Variants in XRN1 observed in about 807,000 individuals in gnomAD.
XRN1 encodes the protein strand-exchange protein 1 homolog.
In XRN1, 67 loss-of-function variants were observed where a neutral mutation model predicts 222.3. The ratio of observed to expected loss-of-function variants is 0.30; its 90% CI spans 0.25 to 0.37. The LOEUF (loss-of-function observed/expected upper bound fraction) is 0.37, where lower values mean the gene tolerates loss of function less well. Among genes scored for constraint, XRN1 ranks in the 10% least tolerant of loss-of-function variants. The pLI, the probability that XRN1 is intolerant of heterozygous loss-of-function variation, is 1.00. For missense variants in XRN1, 1,707 were observed against 2,000.2 expected (o/e 0.85, Z 2.80); for synonymous variants, 643 against 652.4 (o/e 0.99, Z 0.22).
rs2065731475 is a variant in XRN1, at chr3:142,332,598, G to A, written c.4063-64C>T. On this transcript the variant is annotated intron_variant, in intron 35 of 40. Coordinates refer to ENST00000392981, the MANE Select transcript of XRN1 (RefSeq NM_001282857.2). ...AGAGAACAAAGTCAACATTACATCTGTAGAACTTATTGATCTTTCTTGGAA... is the reference window on the plus strand; with the variant it reads ...AGAGAACAAAGTCAACATTACATCTATAGAACTTATTGATCTTTCTTGGAA... The A allele has an allele frequency of 2.9e-6, 4 of 1,386,530 alleles. No individual in the cohort carries two copies. The East Asian group carries it at 7.1e-5, about 25-fold the overall frequency. The allele number at this position is 1,386,530 out of a possible 1,614,324, so 85.9% of individuals were successfully genotyped here.
rs995187782 is a variant in XRN1, at chr3:142,444,154, T to C, written c.75+3716A>G. Reference sequence around the variant, plus strand: ...ATAAAAGAAAAACTGAAAGAACGAATAAGACCTAGTCTGGGCACGGGGGCT... The same window carrying C: ...ATAAAAGAAAAACTGAAAGAACGAACAAGACCTAGTCTGGGCACGGGGGCT... On this transcript the variant is annotated intron_variant, in intron 1 of 40. Coordinates refer to ENST00000392981, the MANE Select transcript of XRN1 (RefSeq NM_001282857.2). Among the ~76,000 whole-genome samples the C allele has an allele frequency of 3.9e-5, 6 of 152,100 alleles. No individual in the cohort carries two copies. In the East Asian group the frequency reaches 1.2e-3, roughly 29 times the overall value.
intron 2 of XRN1, among the ~76,000 whole-genome samples, chr3:142,431,251 A>C (rs1403879719): frequency 6.6e-6 from 1 of 152,216 alleles, no homozygotes; most frequent in Non-Finnish European, 1.5e-5. Flanking sequence ...GTGACTTTAT[A>C]AGCAAGGAAC....
At chr3:142,348,859 C>T (rs1259348737) in intron 32 of XRN1, among the ~76,000 whole-genome samples, 2 of 152,116 alleles carry the variant, frequency 1.3e-5, no homozygotes, top group East Asian at 1.9e-4. Flanking sequence ...AGGCTGGTGT[C>T]GAACTCCTGG....
In XRN1 at chr3:142,359,918, G is replaced by A. The variant is rs770692008; in HGVS notation, c.3408C>T (p.Ala1136=). ...IIGIKGANRE[A]DVLFEVLFDE... is the part of the protein sequence containing the mutation. ...CAAATAATACTTCAAATAGTACATC[G>A]GCTTCTCTATTAGCTGTTACAATAG... Residue 1136 remains alanine (A), a synonymous_variant, in exon 30 of 41, where the codon GCC becomes GCT. Coordinates refer to ENST00000392981, the MANE Select transcript of XRN1 (RefSeq NM_001282857.2). 46 of 1,600,568 alleles carry A rather than the reference G, an allele frequency of 2.9e-5. No individual in the cohort carries two copies. The highest frequency in any genetic ancestry group is 3.4e-5 in the Non-Finnish European group (40 of 1,172,914).
rs1464507966 is a variant in XRN1, at chr3:142,375,829, C to T, written c.2947G>A (p.Ala983Thr). The T allele has an allele frequency of 2.5e-6, 4 of 1,613,812 alleles. No individual in the cohort carries two copies. The highest frequency in any genetic ancestry group is 3.4e-6 in the Non-Finnish European group (4 of 1,179,870). The change falls in exon 25 of 41, where the codon GCA becomes ACA. Residue 983 changes from alanine to threonine, a missense_variant. By Grantham distance (58) the Ala-to-Thr change is moderately conservative. Transcript: ENST00000392981. ...VGSEWMYSSA[A>T]EQLLAEYLER... ...AAGTACTCTGCCAGAAGTTGTTCTG[C>T]TGCAGATGAATACATCCATTCACTT... is the stretch of plus-strand genomic sequence containing the variant.
Position 142,362,167 on chromosome 3 carries a change from T to C in XRN1, c.3395-2236A>G, listed in dbSNP as rs141521928. Among the ~76,000 whole-genome samples the C allele has an allele frequency of 5.8e-3, 888 of 151,802 alleles. 11 individuals are homozygous for C. The highest frequency in any genetic ancestry group is 0.021 in the African/African-American group (853 of 41,400). The stretch of plus-strand genomic sequence containing the variant: ...TATATATATTTTTTGAGATGGAGTC[T>C]CGATCTGTCGCCCAGGCTAAAGTGC... On this transcript the variant is annotated intron_variant, in intron 29 of 40. Transcript: ENST00000392981.
intron 21 of XRN1, 85 bp from the exon 22 acceptor site, chr3:142,383,498 C>T (rs2067378260): frequency 3.5e-6 from 4 of 1,134,506 alleles, no homozygotes; most frequent in Middle Eastern, 4.5e-4. Flanking sequence ...TATGACTATG[C>T]TGTTTGCAAA....
At chr3:142,392,324 TC>T (rs148919308) in intron 20 of XRN1, among the ~76,000 whole-genome samples, 1 of 110,644 alleles carries the variant, frequency 9.0e-6, no homozygotes, top group African/African-American at 5.1e-5. Context: ...GCCAGCAATT[TC>T]TTTTTTTTTT....
At chr3:142,366,372 C>A (rs1457123307) in intron 27 of XRN1, among the ~76,000 whole-genome samples, 1 of 152,138 alleles carries the variant, frequency 6.6e-6, no homozygotes, top group Non-Finnish European at 1.5e-5. Flanking sequence ...TATTTACATA[C>A]TATAAAATGC....
rs2065629199 is a variant in XRN1, at chr3:142,329,529, T to A, written c.4309A>T (p.Ile1437Phe). ...DNMCWPAPSQIPPVSTPVTEL... is the reference protein window; with the variant it reads ...DNMCWPAPSQFPPVSTPVTEL... ...GTTACTGGTGTGGATACAGGAGGGA[T>A]CTGGCTGGGGGCAGGCCAACACATA... Residue 1437 changes from isoleucine (I) to phenylalanine (F), a missense_variant, in exon 37 of 41, where the codon ATC becomes TTC. By Grantham distance (21) the Ile-to-Phe change is conservative. Coordinates refer to ENST00000392981, the MANE Select transcript of XRN1 (RefSeq NM_001282857.2). The A allele has an allele frequency of 1.2e-6, 2 of 1,601,344 alleles. No homozygotes were observed. The highest frequency in any genetic ancestry group is 2.3e-5 in the East Asian group (1 of 44,114).
intron 30 of XRN1, among the ~76,000 whole-genome samples, chr3:142,358,546 T>C (rs2066527576): frequency 6.6e-6 from 1 of 152,158 alleles, no homozygotes; most frequent in Non-Finnish European, 1.5e-5. Context: ...GCAGGTAATC[T>C]TTTACCCAGC....
At chr3:142,387,698 C>A (rs372186097) in intron 20 of XRN1, among the ~76,000 whole-genome samples, 1 of 152,128 alleles carries the variant, frequency 6.6e-6, no homozygotes, top group Non-Finnish European at 1.5e-5. Flanking sequence ...TTCACCAAGT[C>A]TCACGTTGAA....
At chr3:142,415,120 T>C (rs1384082434) in intron 13 of XRN1, among the ~76,000 whole-genome samples, 1 of 152,262 alleles carries the variant, frequency 6.6e-6, no homozygotes, top group African/African-American at 2.4e-5. Context: ...GCATGCTTAT[T>C]ATTGTATTTG....
At chr3:142,390,586 G>A (rs1187231728) in intron 20 of XRN1, among the ~76,000 whole-genome samples, 1 of 152,212 alleles carries the variant, frequency 6.6e-6, no homozygotes, top group Non-Finnish European at 1.5e-5. Context: ...TGGCTTAAGG[G>A]AATGCTGTGA....
chr3:142,355,371 T>C (rs752710649), intron 32 of XRN1, 30 bp downstream of exon 32: 3 of 1,221,006 alleles, frequency 2.5e-6, no homozygotes, highest in Non-Finnish European at 3.3e-6. Context: ...TTCTTTAAAT[T>C]AATTGTCCAT....
chr3:142,348,017 T>C (rs2107805555), intron 32 of XRN1, among the ~76,000 whole-genome samples: 1 of 152,182 alleles, frequency 6.6e-6, no homozygotes, highest in South Asian at 2.1e-4. Flanking sequence ...GAAATATCAG[T>C]CTCTAAAGAT....
At chr3:142,316,208 TATC>T (rs1018728272) in intron 39 of XRN1, among the ~76,000 whole-genome samples, 1 of 150,360 alleles carries the variant, frequency 6.7e-6, no homozygotes, top group Non-Finnish European at 1.5e-5. Flanking sequence ...AGTTAGTCAT[TATC>T]TTCTTTTTTT....
At position 142,432,198 on chromosome 3, in the gene XRN1, T is replaced by A. The variant is rs111599288; in HGVS notation, c.308+463A>T. Among the ~76,000 whole-genome samples, 89 of 106,802 alleles carry A rather than the reference T, an allele frequency of 8.3e-4. 1 individual carries two copies. Among genetic ancestry groups the A allele is most frequent in the African/African-American group, 2.7e-3 (83 of 31,002 alleles). 70.1% of individuals were successfully genotyped at this position (106,802 alleles called of 152,430 possible). A position where few individuals can be genotyped will look rare whatever the true frequency, so the allele number is the denominator to read the frequency against. ...AAAATGTTTTATATATAAAATTTAT[T>A]TTATATATAATTAATTATATATATA... On this transcript the variant is annotated intron_variant, in intron 2 of 40. Transcript: ENST00000392981.
chr3:142,334,010 C>T (rs955557374), intron 34 of XRN1, among the ~76,000 whole-genome samples: 4 of 152,134 alleles, frequency 2.6e-5, no homozygotes, highest in African/African-American at 9.7e-5. Context: ...GTTATTATAG[C>T]AGCCCAAATC....
Sources: gnomAD v4.1 joint callset for allele counts (sites outside exome capture counted in the v4.1 genomes callset) on GRCh38, gnomAD v4.1.1 for gene constraint, MANE v1.5 for transcripts, NCBI Gene and HGNC (gene_info 2026-07-23, HGNC 2026-07-21) for gene names.